Variants in ALCAM observed in about 807,000 individuals in gnomAD.
ALCAM encodes CD166 antigen.
ALCAM carries 30 observed loss-of-function variants against 70.9 expected under a neutral mutation model. The observed-to-expected ratio is 0.42, with a 90% CI of 0.32 to 0.57. ALCAM has a LOEUF of 0.57. ALCAM is among the 20% of genes least tolerant of loss of function. The probability of loss-of-function intolerance (pLI) is 0.11; values close to 1 mark genes in which losing one functional copy is unlikely to be tolerated. For synonymous variants in ALCAM, 249 were observed against 242.5 expected (o/e 1.03, Z -0.25); for missense variants, 591 against 695.1 (o/e 0.85, Z 1.68).
chr3:105,389,412 A>G (rs954655326), intron 1 of ALCAM, among the ~76,000 whole-genome samples: 6 of 135,996 alleles, frequency 4.4e-5, no homozygotes, highest in Admixed American at 2.4e-4. Context: ...AAAAACACAC[A>G]GGAACCTTAA....
intron 1 of ALCAM, among the ~76,000 whole-genome samples, chr3:105,512,227 A>C (rs938897414): frequency 1.3e-5 from 2 of 152,018 alleles, no homozygotes; most frequent in African/African-American, 4.8e-5. Flanking sequence ...TGCAGAAAAC[A>C]AATTTAATAA....
intron 8 of ALCAM, among the ~76,000 whole-genome samples, 189 bp downstream of exon 8, chr3:105,541,954 G>A (rs598425): frequency 6.6e-6 from 1 of 151,778 alleles, no homozygotes; most frequent in Admixed American, 6.6e-5. Context: ...TTGAAACCTT[G>A]CATGGCTCTG....
chr3:105,495,446 A>AAAAAC (rs1463907938), intron 1 of ALCAM, among the ~76,000 whole-genome samples: 2 of 152,224 alleles, frequency 1.3e-5, no homozygotes, highest in Non-Finnish European at 2.9e-5. Flanking sequence ...GGGACAAAAA[A>AAAAAC]AAAACAAAAC....
chr3:105,401,341 A>G (rs1936084542), intron 1 of ALCAM, among the ~76,000 whole-genome samples: 1 of 152,210 alleles, frequency 6.6e-6, no homozygotes, highest in Non-Finnish European at 1.5e-5. Flanking sequence ...TCCTATACAC[A>G]ACTACTTGGG....
At chr3:105,499,422 C>A (rs934137330) in intron 1 of ALCAM, among the ~76,000 whole-genome samples, 2 of 152,030 alleles carry the variant, frequency 1.3e-5, no homozygotes, top group Admixed American at 1.3e-4. Flanking sequence ...GGAAAATAGG[C>A]CTAGTAATAA....
chr3:105,549,210 G>T (rs1940332058), intron 11 of ALCAM, among the ~76,000 whole-genome samples: 2 of 151,426 alleles, frequency 1.3e-5, no homozygotes, highest in East Asian at 2.0e-4. Context: ...TTCTTGTTCT[G>T]GGATTTGTGC....
At chr3:105,421,044 G>A (rs1163203388) in intron 1 of ALCAM, among the ~76,000 whole-genome samples, 1 of 151,460 alleles carries the variant, frequency 6.6e-6, no homozygotes, top group Non-Finnish European at 1.5e-5. Context: ...ATGATCTATA[G>A]TAAATATTTC....
chr3:105,496,706 G>A (rs1308687284), intron 1 of ALCAM, among the ~76,000 whole-genome samples: 1 of 152,092 alleles, frequency 6.6e-6, no homozygotes, highest in Non-Finnish European at 1.5e-5. Context: ...AGGTAGATAA[G>A]ATTATCTTAA....
Position 105,464,661 on chromosome 3 carries a change from T to C in ALCAM, c.74-55406T>C, listed in dbSNP as rs185403494. On this transcript the variant is annotated intron_variant, in intron 1 of 15. Transcript: ENST00000306107. ...AATCCTTCCCAGAAGACTGGATCTG[T>C]TGATTAACAGCATTTTAATGTGAGG... Among the ~76,000 whole-genome samples, 75 of 151,560 alleles carry C rather than the reference T, an allele frequency of 4.9e-4. 1 individual carries two copies. The highest frequency in any genetic ancestry group is 5.9e-5 in the Non-Finnish European group (4 of 67,578).
intron 1 of ALCAM, among the ~76,000 whole-genome samples, chr3:105,425,029 AC>A (rs1199422865): frequency 2.0e-5 from 3 of 151,662 alleles, no homozygotes; most frequent in Non-Finnish European, 4.4e-5. Flanking sequence ...ATTTCACTAT[AC>A]TGCCTCCAAC....
chr3:105,487,748 A>G (rs951076282), intron 1 of ALCAM, among the ~76,000 whole-genome samples: 9 of 152,188 alleles, frequency 5.9e-5, no homozygotes, highest in African/African-American at 2.2e-4. Flanking sequence ...TTCTAACCCC[A>G]GAAGTGAGAC....
intron 1 of ALCAM, among the ~76,000 whole-genome samples, chr3:105,485,868 G>C (rs1313018604): frequency 6.6e-6 from 1 of 151,900 alleles, no homozygotes; most frequent in African/African-American, 2.4e-5. Context: ...GGCCTGCAAA[G>C]TTAAGATTTG....
intron 1 of ALCAM, among the ~76,000 whole-genome samples, chr3:105,425,787 A>T (rs1251852108): frequency 6.7e-6 from 1 of 149,340 alleles, no homozygotes; most frequent in African/African-American, 2.5e-5. Flanking sequence ...TTTAAAGTGG[A>T]GTAGATTCTG....
At chr3:105,390,968 A>G (rs1935802775) in intron 1 of ALCAM, among the ~76,000 whole-genome samples, 2 of 151,944 alleles carry the variant, frequency 1.3e-5, no homozygotes, top group South Asian at 4.1e-4. Flanking sequence ...CTATTTTGGT[A>G]CCTGTACCAT....
chr3:105,386,661 A>AT (rs1935663437), intron 1 of ALCAM, among the ~76,000 whole-genome samples: 1 of 148,104 alleles, frequency 6.8e-6, no homozygotes, highest in Admixed American at 6.8e-5. Context: ...TACCACCATA[A>AT]ATATATATAT....
intron 1 of ALCAM, among the ~76,000 whole-genome samples, chr3:105,490,059 G>A (rs144918788): frequency 6.6e-6 from 1 of 152,244 alleles, no homozygotes; most frequent in African/African-American, 2.4e-5. Flanking sequence ...TGTTTACCTA[G>A]CAAAGTAACT....
chr3:105,413,111 A>G (rs1936428303), intron 1 of ALCAM, among the ~76,000 whole-genome samples: 1 of 152,088 alleles, frequency 6.6e-6, no homozygotes, highest in Non-Finnish European at 1.5e-5. Context: ...GCATAGTGAC[A>G]CGTGACCTTG....
chr3:105,464,585 A>T (rs1023649275), intron 1 of ALCAM, among the ~76,000 whole-genome samples: 1 of 151,408 alleles, frequency 6.6e-6, no homozygotes, highest in African/African-American at 2.4e-5. Context: ...GTTTTCTACC[A>T]TATAGAAAAC....
intron 1 of ALCAM, among the ~76,000 whole-genome samples, chr3:105,440,589 G>T (rs1198071343): frequency 6.6e-6 from 1 of 152,168 alleles, no homozygotes; most frequent in Non-Finnish European, 1.5e-5. Flanking sequence ...AAAAAAGCCA[G>T]TGTAGTGCTG....
Sources: gnomAD v4.1 joint callset for allele counts (sites outside exome capture counted in the v4.1 genomes callset) on GRCh38, gnomAD v4.1.1 for gene constraint, MANE v1.5 for transcripts, NCBI Gene and HGNC (gene_info 2026-07-23, HGNC 2026-07-21) for gene names.